Variants in ATP13A4 observed in about 807,000 individuals in gnomAD.
ATP13A4 encodes the protein ATPase 13A4, also known as probable cation-transporting ATPase 13A4.
In ATP13A4, 114 loss-of-function variants were observed where a neutral mutation model predicts 142.5. The ratio of observed to expected loss-of-function variants is 0.80; its 90% CI spans 0.69 to 0.93. The LOEUF (loss-of-function observed/expected upper bound fraction) is 0.93. Ranked by LOEUF, ATP13A4 falls within the 40% of genes least tolerant of loss-of-function variation. The pLI is 0.00. For missense variants in ATP13A4, 1,392 were observed against 1,454.0 expected (o/e 0.96, Z 0.69); for synonymous variants, 488 against 514.8 (o/e 0.95, Z 0.70).
At chr3:193,534,877 G>A (rs1438828966) in intron 1 of ATP13A4, among the ~76,000 whole-genome samples, 1 of 152,002 alleles carries the variant, frequency 6.6e-6, no homozygotes, top group East Asian at 1.9e-4. Flanking sequence ...GAGGAGATGA[G>A]TCAACCCCAA....
chr3:193,467,594 T>C, intron 9 of ATP13A4, 108 bp from the exon 10 acceptor site: 1 of 1,132,446 alleles, frequency 8.8e-7, no homozygotes, highest in South Asian at 1.2e-5. Context: ...GAGCCTACCA[T>C]GTGGCAGAGA....
chr3:193,503,046 G>A (rs906415577), intron 2 of ATP13A4, among the ~76,000 whole-genome samples: 1 of 151,886 alleles, frequency 6.6e-6, no homozygotes, highest in Non-Finnish European at 1.5e-5. Flanking sequence ...GCAGGGGGGG[G>A]AACTATCACT....
intron 1 of ATP13A4, among the ~76,000 whole-genome samples, chr3:193,582,588 T>C (rs1367362195): frequency 7.6e-6 from 1 of 131,258 alleles, no homozygotes; most frequent in Admixed American, 8.5e-5. Context: ...ATATTACATA[T>C]ATTATATATG....
chr3:193,481,372 T>C (rs1172662826), intron 8 of ATP13A4, among the ~76,000 whole-genome samples: 1 of 152,210 alleles, frequency 6.6e-6, no homozygotes, highest in African/African-American at 2.4e-5. Flanking sequence ...GTATATAATA[T>C]AAACAAGCCT....
intron 18 of ATP13A4, among the ~76,000 whole-genome samples, chr3:193,445,125 T>A (rs1251338413): frequency 6.6e-6 from 1 of 152,088 alleles, no homozygotes; most frequent in East Asian, 1.9e-4. Flanking sequence ...CGGAGACAGA[T>A]GAAACCTGCT....
chr3:193,566,936 CCAAA>C (rs1310443916), intron 2 of ATP13A4, among the ~76,000 whole-genome samples: 2 of 152,124 alleles, frequency 1.3e-5, no homozygotes, highest in Non-Finnish European at 2.9e-5. Flanking sequence ...TTGCCATGAA[CCAAA>C]CACTGTTGTT....
At chr3:193,439,907 T>G (rs1330512411) in intron 21 of ATP13A4, among the ~76,000 whole-genome samples, 1 of 152,020 alleles carries the variant, frequency 6.6e-6, no homozygotes. Flanking sequence ...CAGAAACAAG[T>G]AGGAGTCGGA....
At chr3:193,412,970 C>A (rs1714849920) in intron 26 of ATP13A4, among the ~76,000 whole-genome samples, 2 of 152,084 alleles carry the variant, frequency 1.3e-5, no homozygotes, top group Admixed American at 1.3e-4. Context: ...TTGCAGTGAG[C>A]CTAGAACACA....
Position 193,424,926 on chromosome 3 carries a change from T to C in ATP13A4, c.2842+8919A>G, listed in dbSNP as rs1003243641. ...GAGAAAATATTTCTAAACTATGCAG[T>C]ATAATAAAATAGCCCCTGACAAGGG... On this transcript the variant is annotated intron_variant, in intron 25 of 29. Coordinates refer to ENST00000342695, the MANE Select transcript of ATP13A4 (RefSeq NM_032279.4). Among the ~76,000 whole-genome samples the C allele has an allele frequency of 8.1e-5, 12 of 148,158 alleles. 1 individual carries two copies. Among genetic ancestry groups the C allele is most frequent in the Admixed American group, 2.8e-4 (4 of 14,194 alleles).
intron 1 of ATP13A4, among the ~76,000 whole-genome samples, chr3:193,533,914 A>G (rs1722458516): frequency 6.6e-6 from 1 of 152,172 alleles, no homozygotes. Context: ...CTCCACCCCC[A>G]CCAGCATTAA....
chr3:193,438,933 G>T, intron 22 of ATP13A4, 90 bp downstream of exon 22: 1 of 1,332,860 alleles, frequency 7.5e-7, no homozygotes, highest in Non-Finnish European at 1.1e-6. Context: ...ATGAATGTGA[G>T]ATTATGACTA....
intron 17 of ATP13A4, among the ~76,000 whole-genome samples, chr3:193,451,911 G>C (rs1271539803): frequency 6.6e-6 from 1 of 152,158 alleles, no homozygotes; most frequent in African/African-American, 2.4e-5. Flanking sequence ...CTTTAAGACA[G>C]GAGAGGCAGA....
chr3:193,491,664 T>C (rs1401322267), intron 5 of ATP13A4, among the ~76,000 whole-genome samples: 2 of 152,170 alleles, frequency 1.3e-5, no homozygotes, highest in Non-Finnish European at 2.9e-5. Flanking sequence ...ATTTTGGGTA[T>C]TTAATATTAA....
intron 2 of ATP13A4, among the ~76,000 whole-genome samples, chr3:193,581,457 C>T (rs978505655): frequency 2.6e-5 from 4 of 152,090 alleles, no homozygotes; most frequent in Admixed American, 6.5e-5. Context: ...GAAAGAGAGG[C>T]GCAATAGCAC....
At chr3:193,560,570 T>A (rs1723992648) in intron 2 of ATP13A4, among the ~76,000 whole-genome samples, 1 of 152,192 alleles carries the variant, frequency 6.6e-6, no homozygotes, top group Admixed American at 6.5e-5. Context: ...CTAGAATATT[T>A]ACGAGGACTT....
intron 2 of ATP13A4, among the ~76,000 whole-genome samples, chr3:193,505,602 A>G (rs576382423): frequency 6.2e-4 from 95 of 152,318 alleles, no homozygotes; most frequent in Admixed American, 1.9e-3. Context: ...TGTATCATAC[A>G]TAATTCTGTA....
chr3:193,522,307 C>G (rs1721767271), intron 1 of ATP13A4, among the ~76,000 whole-genome samples: 1 of 152,212 alleles, frequency 6.6e-6, no homozygotes, highest in African/African-American at 2.4e-5. Flanking sequence ...ATTGCCCACA[C>G]AAACTTGGGT....
intron 1 of ATP13A4, among the ~76,000 whole-genome samples, chr3:193,547,602 T>C (rs1434492854): frequency 3.6e-4 from 55 of 152,220 alleles, no homozygotes; most frequent in Non-Finnish European, 5.9e-5. Context: ...TTTGACTAAA[T>C]TGTTCCTTCT....
chr3:193,446,975 G>A (rs762171922), intron 18 of ATP13A4, among the ~76,000 whole-genome samples: 8 of 152,118 alleles, frequency 5.3e-5, no homozygotes, highest in Non-Finnish European at 8.8e-5. Context: ...TCAGAGCAAA[G>A]AAAGATATTC....
Sources: gnomAD v4.1 joint callset for allele counts (sites outside exome capture counted in the v4.1 genomes callset) on GRCh38, gnomAD v4.1.1 for gene constraint, MANE v1.5 for transcripts, NCBI Gene and HGNC (gene_info 2026-07-23, HGNC 2026-07-21) for gene names.